Variants in CCDC88A observed in about 807,000 individuals in gnomAD.
The protein encoded by CCDC88A is girdin.
Under a neutral mutation model 234.3 loss-of-function variants are expected in CCDC88A, and 54 were observed. The observed-to-expected ratio is 0.23, with a 90% confidence interval of 0.19 to 0.29. The LOEUF (loss-of-function observed/expected upper bound fraction) is 0.29, where lower values mean the gene tolerates loss of function less well. Ranked by LOEUF, CCDC88A falls within the 10% of genes least tolerant of loss-of-function variation. CCDC88A has a pLI of 1.00. For synonymous variants in CCDC88A, 753 were observed against 737.8 expected, an observed-to-expected ratio of 1.02 and a Z score of -0.33; for missense variants, 1,832 against 2,123.4, an observed-to-expected ratio of 0.86 and a Z score of 2.70.
chr2:55,302,096 G>C (rs1440508275), intron 26 of CCDC88A, 24 bp from the exon 27 acceptor site: 1 of 1,559,578 alleles, frequency 6.4e-7, no homozygotes, highest in South Asian at 1.1e-5. Context: ...GAAAGCAAAT[G>C]AATCAGCATG....
At chr2:55,403,030 T>G (rs1241075760) in intron 2 of CCDC88A, among the ~76,000 whole-genome samples, 1 of 151,974 alleles carries the variant, frequency 6.6e-6, no homozygotes, top group Non-Finnish European at 1.5e-5. Context: ...CCACATTCAT[T>G]AATATCACCT....
At chr2:55,392,217 C>T (rs1193384318) in intron 2 of CCDC88A, among the ~76,000 whole-genome samples, 2 of 152,190 alleles carry the variant, frequency 1.3e-5, no homozygotes, top group African/African-American at 4.8e-5. Flanking sequence ...ATGTCAACAG[C>T]ACCACCTTAA....
intron 22 of CCDC88A, chr2:55,314,886 G>C (rs1558652013): frequency 6.6e-6 from 1 of 152,074 alleles, no homozygotes; most frequent in Admixed American, 6.6e-5. Flanking sequence ...TTATACTATA[G>C]ATTAGTTTTT....
chr2:55,387,176 CAAAAAAAAAAAAAAA>C (rs869311337), intron 3 of CCDC88A, among the ~76,000 whole-genome samples: 1 of 69,770 alleles, frequency 1.4e-5, no homozygotes, highest in Admixed American at 2.0e-4. Context: ...GATTCCATCT[CAAAAAAAAAAAAAAA>C]AAAAAAAAAG....
intron 4 of CCDC88A, among the ~76,000 whole-genome samples, chr2:55,373,650 T>C (rs1300769059): frequency 3.3e-5 from 5 of 152,190 alleles, no homozygotes. Context: ...ACTTGGTAGG[T>C]ACTTACCAAA....
At chr2:55,393,928 G>C (rs538734353) in intron 2 of CCDC88A, among the ~76,000 whole-genome samples, 1 of 152,120 alleles carries the variant, frequency 6.6e-6, no homozygotes, top group East Asian at 1.9e-4. Flanking sequence ...GTCTGAATGG[G>C]TGCTGAACTT....
At chr2:55,341,449 C>CT (rs1210854798) in intron 12 of CCDC88A, among the ~76,000 whole-genome samples, 61 of 136,896 alleles carry the variant, frequency 4.5e-4, no homozygotes, top group South Asian at 4.7e-4. Context: ...TCCCCGCCCC[C>CT]TTTTTTTTTT....
chr2:55,381,925 T>A (rs935616004), intron 3 of CCDC88A, among the ~76,000 whole-genome samples: 1 of 152,236 alleles, frequency 6.6e-6, no homozygotes, highest in Non-Finnish European at 1.5e-5. Context: ...GAGACTCGTA[T>A]AATCTACTTC....
intron 3 of CCDC88A, among the ~76,000 whole-genome samples, chr2:55,385,908 A>C (rs905690833): frequency 2.0e-5 from 3 of 149,328 alleles, no homozygotes; most frequent in African/African-American, 4.9e-5. Context: ...AAAATTAGAG[A>C]GCTAACTTCT....
intron 14 of CCDC88A, among the ~76,000 whole-genome samples, chr2:55,336,199 A>G (rs1463566177): frequency 6.6e-6 from 1 of 152,158 alleles, no homozygotes; most frequent in African/African-American, 2.4e-5. Context: ...GTCTCAAATA[A>G]ATAAATATTT....
At chr2:55,350,047 G>GTAGC (rs1191481455) in intron 8 of CCDC88A, 1 of 153,094 alleles carries the variant, frequency 6.5e-6, no homozygotes, top group African/African-American at 2.4e-5. Context: ...TCCTGCCTCA[G>GTAGC]TAGCTGGGAT....
intron 2 of CCDC88A, among the ~76,000 whole-genome samples, chr2:55,402,440 T>C (rs1678861715): frequency 6.6e-6 from 1 of 152,108 alleles, no homozygotes; most frequent in African/African-American, 2.4e-5. Flanking sequence ...GATTGGCATA[T>C]TCATACAATT....
chr2:55,336,815 C>T lies in CCDC88A; in HGVS notation c.1522G>A (p.Glu508Lys). 6.5e-7 allele frequency: 1 copy of T among 1,548,136 alleles called. No homozygotes were observed. The highest frequency in any genetic ancestry group is 8.8e-7 in the Non-Finnish European group (1 of 1,133,812). The change falls in exon 14 of 33, where the codon GAG becomes AAG. Residue 508 changes from glutamate to lysine, a missense_variant. Glu to Lys is a moderately conservative substitution (Grantham distance 56). Around this residue, in one of 6 missense-constraint regions of CCDC88A, gnomAD observed 1,282 missense variants for 1,543.6 expected, o/e 0.83. Coordinates refer to ENST00000436346, the MANE Select transcript of CCDC88A (RefSeq NM_001365480.1). ...KENQRLSKKV[E>K]ILENEIVQEK... ...TGAACAATCTCATTTTCAAGAATCT[C>T]AACCTAGAGAAAATTAAATCACAAA...
intron 13 of CCDC88A, among the ~76,000 whole-genome samples, chr2:55,338,603 A>G (rs1668082474): frequency 6.6e-6 from 1 of 152,186 alleles, no homozygotes; most frequent in Middle Eastern, 3.2e-3. Flanking sequence ...TTTCCCACTA[A>G]AAGGAATAAG....
At position 55,334,534 on chromosome 2, in the gene CCDC88A, T is replaced by A. The variant is rs767371763; in HGVS notation, c.2287A>T (p.Ile763Leu). The change falls in exon 15 of 33, where the codon ATA (isoleucine) becomes TTA (leucine). Residue 763 changes from isoleucine to leucine, a missense_variant. Physicochemically the swap from Ile to Leu is conservative, Grantham distance 5. Around this residue, in one of 6 missense-constraint regions of CCDC88A, gnomAD observed 1,282 missense variants for 1,543.6 expected, o/e 0.83. Coordinates refer to ENST00000436346, the MANE Select transcript of CCDC88A (RefSeq NM_001365480.1). This position sits in a 1 kb window ranked among gnomAD's most constrained non-coding sequence, Gnocchi z 6.1. ...RLEVSYQGLD[I>L]ENQRLQKTLE... ...GTTTTTTGCAGTCTTTGATTTTCTA[T>A]ATCTAAACCCTGGTAGCTAACTTCT... 3 of 1,611,672 alleles carry A rather than the reference T, an allele frequency of 1.9e-6. No homozygotes were observed. In the African/African-American group the frequency reaches 4.0e-5, roughly 22 times the overall value.
intron 9 of CCDC88A, among the ~76,000 whole-genome samples, chr2:55,347,129 T>G (rs1202478511): frequency 1.3e-5 from 2 of 152,216 alleles, no homozygotes; most frequent in African/African-American, 4.8e-5. Context: ...TCTATAGATA[T>G]GTTGTGATAT....
rs1266030801 is a variant in CCDC88A at position 55,290,025 on chromosome 2, A to AT, written c.*1174dup. Reference sequence around the variant, plus strand: ...AATTTGCATTAATGAGTATCAATGCATTTTTTGATTTCATAAGAAAATAAA... The same window carrying AT: ...AATTTGCATTAATGAGTATCAATGCATTTTTTTGATTTCATAAGAAAATAAA... On this transcript the variant is annotated 3_prime_UTR_variant, in exon 33 of 33. Transcript: ENST00000436346. 6.6e-6 allele frequency: 1 copy of AT among 152,566 alleles called. No individual in the cohort carries two copies. Among genetic ancestry groups the AT allele is most frequent in the Non-Finnish European group, 1.5e-5 (1 of 67,980 alleles). 9.5% of individuals were successfully genotyped at this position (152,566 alleles called of 1,614,324 possible).
At chr2:55,357,226 A>T (rs1464742646) in intron 7 of CCDC88A, among the ~76,000 whole-genome samples, 5 of 147,562 alleles carry the variant, frequency 3.4e-5, no homozygotes, top group Non-Finnish European at 7.4e-5. Context: ...CTAACTCCAC[A>T]TCTTATGCTC....
rs1174693653 is a variant in CCDC88A, at chr2:55,401,434, C to CAAAAAA, written c.165-12554_165-12549dup. Among the ~76,000 whole-genome samples the CAAAAAA allele has an allele frequency of 5.5e-4, 25 of 45,806 alleles. 3 individuals carry two copies. Among genetic ancestry groups the CAAAAAA allele is most frequent in the African/African-American group, 1.5e-3 (18 of 12,046 alleles). The allele number at this position is 45,806 out of a possible 152,430, so 30.1% of individuals were successfully genotyped here. A position where few individuals can be genotyped will look rare whatever the true frequency, so the allele number is the denominator to read the frequency against. On this transcript the variant is annotated intron_variant, in intron 2 of 32. Coordinates refer to ENST00000436346, the MANE Select transcript of CCDC88A (RefSeq NM_001365480.1). ...GGATGACAGAGAAAGACTCTGTCTCCAAAAAAAAAAAAAATATATATATAT... is the reference window on the plus strand; with the variant it reads ...GGATGACAGAGAAAGACTCTGTCTCCAAAAAAAAAAAAAAAAAAAATATATATATAT...
Sources: gnomAD v4.1 joint callset for allele counts (sites outside exome capture counted in the v4.1 genomes callset) on GRCh38, gnomAD v4.1.1 for gene constraint, gnomAD v4.1.1 regional missense constraint, Gnocchi (gnomAD v3.1) non-coding constraint, MANE v1.5 for transcripts, NCBI Gene and HGNC (gene_info 2026-07-23, HGNC 2026-07-21) for gene names.